Variants in PEX26 observed in about 807,000 individuals in gnomAD.
The protein encoded by PEX26 is peroxisome assembly protein 26.
PEX26 carries 18 observed loss-of-function variants against 31.4 expected under a neutral mutation model. The ratio of observed to expected loss-of-function variants is 0.57; its 90% CI spans 0.40 to 0.85. The LOEUF (loss-of-function observed/expected upper bound fraction) is 0.85. Among genes scored for constraint, PEX26 ranks in the 40% least tolerant of loss-of-function variants. The pLI, the probability that PEX26 is intolerant of heterozygous loss-of-function variation, is 0.00. For synonymous variants in PEX26, 176 were observed against 166.9 expected (o/e 1.05, Z -0.42); for missense variants, 377 against 383.9 (o/e 0.98, Z 0.15).
At position 18,101,523 on chromosome 22, in the gene PEX26, GGA is replaced by G. The variant is rs1927450013; in HGVS notation, c.*13450_*13451del. On this transcript the variant is annotated 3_prime_UTR_variant, in exon 5 of 5. Coordinates refer to ENST00000399744, the MANE Select transcript of PEX26 (RefSeq NM_001127649.3). ...GCATGTGGCACCCTCATTGGAGGCT[GGA>G]GCACTGCTGCAGAAAGTGATCTCTT... 6.3e-6 allele frequency: 1 copy of G among 159,818 alleles called. No homozygotes were observed. Among genetic ancestry groups the G allele is most frequent in the Non-Finnish European group, 1.4e-5 (1 of 73,042 alleles). The allele number at this position is 159,818 out of a possible 1,614,324, so 9.9% of individuals were successfully genotyped here. A position where few individuals can be genotyped will look rare whatever the true frequency, so the allele number is the denominator to read the frequency against.
Position 18,088,557 on chromosome 22 carries a change from T to C in PEX26, c.*482T>C. 3.8e-6 allele frequency: 1 copy of C among 261,188 alleles called. No homozygotes were observed. The highest frequency in any genetic ancestry group is 4.4e-5 in the South Asian group (1 of 22,638). The allele number at this position is 261,188 out of a possible 1,614,324, so 16.2% of individuals were successfully genotyped here. ...ACTTTGGAAGGGTGAGGTGGGTGGA[T>C]CACTTGTGGCCAGGAGTTCAAAACC... On this transcript the variant is annotated 3_prime_UTR_variant, in exon 5 of 5. Transcript: ENST00000399744. This position sits in a 1 kb window ranked among gnomAD's most constrained non-coding sequence, Gnocchi z 4.1.
At chr22:18,084,880 G>A (rs938331221) in intron 3 of PEX26, among the ~76,000 whole-genome samples, 2 of 151,192 alleles carry the variant, frequency 1.3e-5, no homozygotes, top group South Asian at 2.1e-4. Context: ...ACACCACCAC[G>A]CCTGGCTAAT....
rs754789197 is a variant in PEX26 at position 18,085,173 on chromosome 22, G to A, written c.729G>A (p.Ala243=). The A allele has an allele frequency of 1.5e-5, 25 of 1,613,978 alleles. No individual in the cohort carries two copies. Among genetic ancestry groups the A allele is most frequent in the Middle Eastern group, 1.6e-4 (1 of 6,084 alleles). The change falls in exon 4 of 5, where the codon GCG becomes GCA. Residue 243 remains alanine (A), a synonymous_variant. Coordinates refer to ENST00000399744, the MANE Select transcript of PEX26 (RefSeq NM_001127649.3). ...PMLVRQLWDS[A]VSHFFSLPFK... The stretch of plus-strand genomic sequence containing the variant: ...TGGTTCGCCAGCTTTGGGACTCTGC[G>A]GTGAGCCACTTCTTTTCTCTGCCCT...
rs1419843987 is a variant in PEX26 at position 18,104,673 on chromosome 22, C to T, written c.*16598C>T. On this transcript the variant is annotated 3_prime_UTR_variant, in exon 5 of 5. Transcript: ENST00000399744. ...CACAGTCTGTCACTGACTCCCGCTC[C>T]CAGTGCTCACTGCCTCTTGTTCTCA... is the stretch of plus-strand genomic sequence containing the variant. 1 of 152,618 alleles carries T rather than the reference C, an allele frequency of 6.6e-6. No homozygotes were observed. The highest frequency in any genetic ancestry group is 1.5e-5 in the Non-Finnish European group (1 of 68,268). The allele number at this position is 152,618 out of a possible 1,614,324, so 9.5% of individuals were successfully genotyped here. A position where few individuals can be genotyped will look rare whatever the true frequency, so the allele number is the denominator to read the frequency against.
In PEX26 at chr22:18,083,535, G is replaced by C; in HGVS notation, c.470G>C (p.Gly157Ala). The change falls in exon 3 of 5, where the codon GGA becomes GCA. Residue 157 changes from glycine to alanine, a missense_variant. Transcript: ENST00000399744. Reference sequence around the variant, plus strand: ...GCCAATCAAAACCTTCCAGAATATGGAGCCTTGGCAGAATTTCACGTGCAG... The same window carrying C: ...GCCAATCAAAACCTTCCAGAATATGCAGCCTTGGCAGAATTTCACGTGCAG... ...DPANQNLPEY[G>A]ALAEFHVQRV... 1 of 1,614,116 alleles carries C rather than the reference G, an allele frequency of 6.2e-7. No homozygotes were observed.
chr22:18,079,062 C>T (rs995937221), intron 1 of PEX26: 10 of 201,812 alleles, frequency 5.0e-5, no homozygotes, highest in African/African-American at 2.4e-4. Context: ...GGGCCGGGAG[C>T]TGGGGCTTAC....
chr22:18,086,014 T>C (rs937361429), intron 4 of PEX26, among the ~76,000 whole-genome samples: 1 of 151,922 alleles, frequency 6.6e-6, no homozygotes, highest in Non-Finnish European at 1.5e-5. Flanking sequence ...ATGTGGAAAA[T>C]AGGCCGGACA....
rs1176376596 is a variant in PEX26 at position 18,095,696 on chromosome 22, G to C, written c.*7621G>C. ...TTAATCCTCCCAGGAAACATATTTT[G>C]CAAAAGCCTTTTTTTTTTTTTTTTT... On this transcript the variant is annotated 3_prime_UTR_variant, in exon 5 of 5. Transcript: ENST00000399744. 9.5e-6 allele frequency: 1 copy of C among 105,534 alleles called. No individual in the cohort carries two copies. The highest frequency in any genetic ancestry group is 2.7e-4 in the East Asian group (1 of 3,720). 6.5% of individuals were successfully genotyped at this position (105,534 alleles called of 1,614,324 possible). A position where few individuals can be genotyped will look rare whatever the true frequency, so the allele number is the denominator to read the frequency against.
chr22:18,078,844 T>C lies in PEX26; in HGVS notation c.230+238T>C. 4.4e-6 allele frequency: 3 copies of C among 689,618 alleles called. No individual in the cohort carries two copies. In the South Asian group the frequency reaches 4.5e-5, roughly 10 times the overall value. 42.7% of individuals were successfully genotyped at this position (689,618 alleles called of 1,614,324 possible). On this transcript the variant is annotated intron_variant, in intron 1 of 4. Coordinates refer to ENST00000399744, the MANE Select transcript of PEX26 (RefSeq NM_001127649.3). ...CAATTATTTGCTCCTTGTTCCAAGG[T>C]ACAATGACATGATGGGAAGGCTGAA... is the stretch of plus-strand genomic sequence containing the variant.
Position 18,078,411 on chromosome 22 carries a change from T to C in PEX26, c.35T>C (p.Leu12Pro). The C allele has an allele frequency of 5.0e-6, 8 of 1,594,422 alleles. No homozygotes were observed. In the East Asian group the frequency reaches 1.8e-4, roughly 36 times the overall value. Residue 12 changes from leucine (L) to proline (P), a missense_variant, in exon 1 of 5, where the codon CTC (leucine) becomes CCC (proline). Leu to Pro is a moderately conservative substitution (Grantham distance 98). Coordinates refer to ENST00000399744, the MANE Select transcript of PEX26 (RefSeq NM_001127649.3). ...KSDSSTSAAP[L>P]RGLGGPLRSS... ...GATTCTTCGACCTCTGCAGCCCCCC[T>C]CAGGGGGCTCGGGGGACCCCTGCGC...
intron 2 of PEX26, among the ~76,000 whole-genome samples, chr22:18,082,580 A>G (rs361780): frequency 0.86 from 130,313 of 152,136 alleles, 56,289 homozygotes; most frequent in East Asian, 0.94. Flanking sequence ...ATGCCATAAC[A>G]TGCTGTTATG....
rs1266307409 is a variant in PEX26, at chr22:18,095,432, G to A, written c.*7357G>A. ...GGGCTGCTTTCTCTGGAAAGCTGGG[G>A]AGCTGGTAAAATTTTTTGGTCGCCC... On this transcript the variant is annotated 3_prime_UTR_variant, in exon 5 of 5. Transcript: ENST00000399744. 1 of 152,158 alleles carries A rather than the reference G, an allele frequency of 6.6e-6. No homozygotes were observed. The highest frequency in any genetic ancestry group is 1.9e-4 in the East Asian group (1 of 5,182). 9.4% of individuals were successfully genotyped at this position (152,158 alleles called of 1,614,324 possible). A position where few individuals can be genotyped will look rare whatever the true frequency, so the allele number is the denominator to read the frequency against.
rs1159738522 is a variant in PEX26, at chr22:18,103,435, T to C, written c.*15360T>C. ...AAATGTCACATCTACTTCAATAATA[T>C]GTACAAATATTATTTATCAAAAAGC... On this transcript the variant is annotated 3_prime_UTR_variant, in exon 5 of 5. Coordinates refer to ENST00000399744, the MANE Select transcript of PEX26 (RefSeq NM_001127649.3). 2 of 152,156 alleles carry C rather than the reference T, an allele frequency of 1.3e-5. No homozygotes were observed. The highest frequency in any genetic ancestry group is 4.8e-5 in the African/African-American group (2 of 41,420). The allele number at this position is 152,156 out of a possible 1,614,324, so 9.4% of individuals were successfully genotyped here. A position where few individuals can be genotyped will look rare whatever the true frequency, so the allele number is the denominator to read the frequency against.
rs1556594333 is a variant in PEX26 at position 18,094,763 on chromosome 22, T to TC, written c.*6688_*6689insC. On this transcript the variant is annotated 3_prime_UTR_variant, in exon 5 of 5. Coordinates refer to ENST00000399744, the MANE Select transcript of PEX26 (RefSeq NM_001127649.3). ...AGTTTCTTATTTTCCTTTGGCTTTT[T>TC]TTTTCTTTTCTTTTCTTTTCTTCTT... The TC allele has an allele frequency of 6.9e-6, 1 of 144,126 alleles. No individual in the cohort carries two copies. The highest frequency in any genetic ancestry group is 1.5e-5 in the Non-Finnish European group (1 of 66,076). The allele number at this position is 144,126 out of a possible 1,614,324, so 8.9% of individuals were successfully genotyped here.
In PEX26 at chr22:18,083,650, A is replaced by G. The variant is rs1926714239; in HGVS notation, c.585A>G (p.Val195=). 6.2e-7 allele frequency: 1 copy of G among 1,613,988 alleles called. No individual in the cohort carries two copies. Among genetic ancestry groups the G allele is most frequent in the African/African-American group, 1.3e-5 (1 of 74,914 alleles). The change falls in exon 3 of 5, where the codon GTA becomes GTG. Residue 195 remains valine (V), a synonymous_variant. Transcript: ENST00000399744. ...TTGGTGAGGAGCGGCGACTGGATGT[A>G]CTTCAGGCCATTCACACAGCGAGGC... The part of the protein sequence containing the change: ...AAFGEERRLD[V]LQAIHTARQQ...
In PEX26 at chr22:18,095,366, T is replaced by C. The variant is rs1350414926; in HGVS notation, c.*7291T>C. On this transcript the variant is annotated 3_prime_UTR_variant, in exon 5 of 5. Coordinates refer to ENST00000399744, the MANE Select transcript of PEX26 (RefSeq NM_001127649.3). ...TTGGATGACTCACACAGATAAGCCA[T>C]GCTCTTGGTTACCAGTGGACTTAGC... 6.6e-6 allele frequency: 1 copy of C among 152,232 alleles called. No individual in the cohort carries two copies. The highest frequency in any genetic ancestry group is 2.4e-5 in the African/African-American group (1 of 41,456). The allele number at this position is 152,232 out of a possible 1,614,324, so 9.4% of individuals were successfully genotyped here.
chr22:18,083,924 G>A (rs1362030271), intron 3 of PEX26, among the ~76,000 whole-genome samples, 192 bp downstream of exon 3: 2 of 152,248 alleles, frequency 1.3e-5, no homozygotes, highest in African/African-American at 2.4e-5. Context: ...GGCAGTGGAA[G>A]GAGAATCTCC....
chr22:18,083,636 C>T lies in PEX26; in HGVS notation c.571C>T (p.Arg191Trp), dbSNP rs150451390. The T allele has an allele frequency of 1.6e-4, 261 of 1,613,872 alleles. No homozygotes were observed. The highest frequency in any genetic ancestry group is 2.0e-4 in the Non-Finnish European group (239 of 1,180,008). Residue 191 changes from arginine (R) to tryptophan (W), a missense_variant, in exon 3 of 5, where the codon CGG becomes TGG. Physicochemically the swap from Arg to Trp is moderately radical, Grantham distance 101 (BLOSUM62 -3). Transcript: ENST00000399744. ...VVGSAAFGEE[R>W]RLDVLQAIHT... The stretch of plus-strand genomic sequence containing the variant: ...GGGCTCTGCAGCCTTTGGTGAGGAG[C>T]GGCGACTGGATGTACTTCAGGCCAT...
chr22:18,101,633 C>A lies in PEX26; in HGVS notation c.*13558C>A. On this transcript the variant is annotated 3_prime_UTR_variant, in exon 5 of 5. Coordinates refer to ENST00000399744, the MANE Select transcript of PEX26 (RefSeq NM_001127649.3). ...CCCAGGATCAAGAAAAGAATGTGGC[C>A]ACCTTCCAAGGCTCAGAGTAGCTGT... 2 of 207,154 alleles carry A rather than the reference C, an allele frequency of 9.7e-6. No homozygotes were observed. Among genetic ancestry groups the A allele is most frequent in the South Asian group, 1.1e-4 (1 of 8,756 alleles). 12.8% of individuals were successfully genotyped at this position (207,154 alleles called of 1,614,324 possible).
Sources: gnomAD v4.1 joint callset for allele counts (sites outside exome capture counted in the v4.1 genomes callset) on GRCh38, gnomAD v4.1.1 for gene constraint, Gnocchi (gnomAD v3.1) non-coding constraint, MANE v1.5 for transcripts, NCBI Gene and HGNC (gene_info 2026-07-23, HGNC 2026-07-21) for gene names.